FHOD3: variants seen among roughly 807,000 people sequenced by gnomAD.
The protein encoded by FHOD3 is formin homology 2 domain containing 3, also known as FH1/FH2 domain-containing protein 3.
In FHOD3, 90 loss-of-function variants were observed where a neutral mutation model predicts 173.0. The observed-to-expected ratio is 0.52, with a 90% CI of 0.44 to 0.62. The LOEUF (loss-of-function observed/expected upper bound fraction) is 0.62, where lower values mean the gene tolerates loss of function less well. Ranked by LOEUF, FHOD3 falls within the 20% of genes least tolerant of loss-of-function variation. The pLI is 0.00. For missense variants in FHOD3, 1,945 were observed against 2,034.7 expected (o/e 0.96, Z 0.85); for synonymous variants, 828 against 823.0 (o/e 1.01, Z -0.10).
intron 5 of FHOD3, among the ~76,000 whole-genome samples, chr18:36,534,860 T>G (rs1356580406): frequency 1.3e-5 from 2 of 152,226 alleles, no homozygotes; most frequent in African/African-American, 4.8e-5. Flanking sequence ...TGGCTTTTAC[T>G]CGGCTCTATA....
intron 3 of FHOD3, among the ~76,000 whole-genome samples, chr18:36,491,656 C>T (rs559959445): frequency 6.6e-6 from 1 of 152,304 alleles, no homozygotes; most frequent in South Asian, 2.1e-4. Context: ...TCATGGAGTT[C>T]ACTATGTATG....
intron 19 of FHOD3, 73 bp downstream of exon 19, chr18:36,718,788 A>G: frequency 3.9e-6 from 6 of 1,523,472 alleles, no homozygotes; most frequent in Non-Finnish European, 5.2e-6. Context: ...TGTATAAAAT[A>G]CTATTTTGCA....
At chr18:36,429,152 A>G (rs966164569) in intron 3 of FHOD3, among the ~76,000 whole-genome samples, 1 of 152,158 alleles carries the variant, frequency 6.6e-6, no homozygotes, top group Non-Finnish European at 1.5e-5. Flanking sequence ...GCCACCAGGA[A>G]GTCTGGCAGA....
At position 36,658,144 on chromosome 18, in the gene FHOD3, C is replaced by G. The variant is rs146339788; in HGVS notation, c.1791C>G (p.Thr597=). The G allele has an allele frequency of 1.1e-4, 176 of 1,591,372 alleles. No individual in the cohort carries two copies. The East Asian group carries it at 2.3e-3, about 20-fold the overall frequency. ...CATCTGGATCCAGTGTGCCCACCAC[C>G]CCCACATCATCCGTCTCACCCCCAC... The part of the protein sequence containing the change: ...RPSSGSSVPT[T]PTSSVSPPQE... The change falls in exon 14 of 29, where the codon ACC becomes ACG. Residue 597 remains threonine, a synonymous_variant. Transcript: ENST00000590592.
chr18:36,644,868 C>G (rs551035129), intron 10 of FHOD3, among the ~76,000 whole-genome samples: 4 of 152,306 alleles, frequency 2.6e-5, no homozygotes, highest in African/African-American at 4.8e-5. Context: ...TCCAGAACCT[C>G]TCCAGCTCTA....
intron 3 of FHOD3, among the ~76,000 whole-genome samples, chr18:36,394,598 A>G (rs2048459566): frequency 6.6e-6 from 1 of 152,118 alleles, no homozygotes; most frequent in Non-Finnish European, 1.5e-5. Flanking sequence ...GAGTTGTCCC[A>G]TTTTTGGCCA....
chr18:36,687,220 G>T, intron 16 of FHOD3, 42 bp downstream of exon 16: 1 of 1,431,610 alleles, frequency 7.0e-7, no homozygotes, highest in South Asian at 1.2e-5. Flanking sequence ...AATGGCATGT[G>T]ACTTTGCACT....
chr18:36,664,774 A>ATG (rs1422591331), intron 14 of FHOD3, among the ~76,000 whole-genome samples: 7 of 63,730 alleles, frequency 1.1e-4, no homozygotes, highest in Admixed American at 3.4e-4. Context: ...GTGTGTGTGT[A>ATG]TGTGAGAGAG....
chr18:36,415,613 A>T (rs1417950392), intron 3 of FHOD3, among the ~76,000 whole-genome samples: 1 of 152,238 alleles, frequency 6.6e-6, no homozygotes. Context: ...TTGGTTGATT[A>T]TTTTAAAATT....
intron 27 of FHOD3, among the ~76,000 whole-genome samples, chr18:36,761,274 T>A (rs982456994): frequency 1.3e-5 from 2 of 152,174 alleles, no homozygotes; most frequent in African/African-American, 4.8e-5. Context: ...CTTTTTCACA[T>A]CCTTAGGCAG....
At chr18:36,366,138 A>G (rs2046887057) in intron 2 of FHOD3, among the ~76,000 whole-genome samples, 1 of 152,206 alleles carries the variant, frequency 6.6e-6, no homozygotes, top group Non-Finnish European at 1.5e-5. Context: ...TGAGAAAATT[A>G]AAATGCTACA....
rs768881340 is a variant in FHOD3, at chr18:36,612,041, C to T, written c.903C>T (p.His301=). Residue 301 remains histidine (H), a synonymous_variant, in exon 9 of 29, where the codon CAC becomes CAT. Transcript: ENST00000590592. ...GCATTGCTGCTGTGTCCCAGAGGCA[C>T]TTGAACAAGAAAGGGACTGACCTGG... The part of the protein sequence containing the change: ...ELGIAAVSQR[H]LNKKGTDLDL... The T allele has an allele frequency of 1.9e-6, 3 of 1,614,154 alleles. No homozygotes were observed. The South Asian group carries it at 3.3e-5, about 18-fold the overall frequency.
chr18:36,518,541 A>G (rs1190548951), intron 5 of FHOD3, among the ~76,000 whole-genome samples: 1 of 152,210 alleles, frequency 6.6e-6, no homozygotes, highest in Non-Finnish European at 1.5e-5. Flanking sequence ...CCAATAAAAA[A>G]TCACTGCAGC....
At chr18:36,526,458 C>A (rs1002287362) in intron 5 of FHOD3, among the ~76,000 whole-genome samples, 1 of 151,588 alleles carries the variant, frequency 6.6e-6, no homozygotes, top group Admixed American at 6.6e-5. Flanking sequence ...CTGAATCTTG[C>A]TCTGTTGCCC....
intron 3 of FHOD3, among the ~76,000 whole-genome samples, chr18:36,462,767 C>T (rs1407385747): frequency 3.3e-5 from 5 of 152,140 alleles, no homozygotes; most frequent in Non-Finnish European, 7.3e-5. Context: ...TAGGGCTACT[C>T]GTGTGTGCCA....
chr18:36,693,315 G>T lies in FHOD3; in HGVS notation c.2128G>T (p.Ala710Ser). The change falls in exon 17 of 29, where the codon GCA becomes TCA. Residue 710 changes from alanine (A) to serine (S), a missense_variant. By Grantham distance (99) the Ala-to-Ser change is moderately conservative. Transcript: ENST00000590592. ...ADLSLDLTSP[A>S]APACLAPLSH... ...CCTCTCCTTGGACCTGACCTCGCCA[G>T]CAGCCCCAGCCTGCCTGGCTCCTCT... is the stretch of plus-strand genomic sequence containing the variant. The T allele has an allele frequency of 1.2e-6, 2 of 1,613,886 alleles. No homozygotes were observed. The highest frequency in any genetic ancestry group is 8.5e-7 in the Non-Finnish European group (1 of 1,179,848).
At chr18:36,659,913 C>T (rs922193433) in intron 14 of FHOD3, among the ~76,000 whole-genome samples, 1 of 152,162 alleles carries the variant, frequency 6.6e-6, no homozygotes, top group Non-Finnish European at 1.5e-5. Flanking sequence ...TCCTTCTCTG[C>T]CTGGACTGGC....
chr18:36,563,263 G>T (rs1301715333), intron 5 of FHOD3, among the ~76,000 whole-genome samples: 1 of 152,116 alleles, frequency 6.6e-6, no homozygotes, highest in African/African-American at 2.4e-5. Context: ...ATTTTTGAAG[G>T]GTTGTATATT....
At chr18:36,463,014 G>C (rs1219739699) in intron 3 of FHOD3, among the ~76,000 whole-genome samples, 1 of 152,032 alleles carries the variant, frequency 6.6e-6, no homozygotes, top group Non-Finnish European at 1.5e-5. Context: ...GTAGTTTAAA[G>C]ACAAATAGTA....
Sources: gnomAD v4.1 joint callset for allele counts (sites outside exome capture counted in the v4.1 genomes callset) on GRCh38, gnomAD v4.1.1 for gene constraint, MANE v1.5 for transcripts, NCBI Gene and HGNC (gene_info 2026-07-23, HGNC 2026-07-21) for gene names.